Variants in DHRS11 observed in about 807,000 individuals in gnomAD.
The protein encoded by DHRS11 is dehydrogenase/reductase SDR family member 11.
Under a neutral mutation model 30.7 loss-of-function variants are expected in DHRS11, and 18 were observed. That is an observed-to-expected ratio of 0.59 (90% CI 0.41 to 0.87). The LOEUF (loss-of-function observed/expected upper bound fraction) is 0.87. Ranked by LOEUF, DHRS11 falls within the 40% of genes least tolerant of loss-of-function variation. DHRS11 has a pLI of 0.00. For synonymous variants in DHRS11, 123 were observed against 139.6 expected (o/e 0.88, Z 0.84); for missense variants, 300 against 349.0 (o/e 0.86, Z 1.12).
At chr17:36,596,965 T>G (rs922269282) in intron 2 of DHRS11, 2 of 450,020 alleles carry the variant, frequency 4.4e-6, no homozygotes, top group Admixed American at 2.6e-5. Flanking sequence ...CTCGCCCATC[T>G]GTAAAATGAG....
In DHRS11 at chr17:36,599,745, C is replaced by A; in HGVS notation, c.657C>A (p.Ala219=). Residue 219 remains alanine (A), a synonymous_variant, in exon 5 of 7, where the codon GCC becomes GCA. Transcript: ENST00000618403. ...ACAAGGACCCTGAGAAGGCAGCTGC[C>A]ACCTATGAGCAAATGAAGGTGGGGC... is the stretch of plus-strand genomic sequence containing the variant. The part of the protein sequence containing the change: ...LHDKDPEKAA[A]TYEQMKCLKP... 1.9e-6 allele frequency: 3 copies of A among 1,614,184 alleles called. No individual in the cohort carries two copies. The South Asian group carries it at 3.3e-5, about 18-fold the overall frequency.
chr17:36,597,451 A>C (rs1233989395), intron 2 of DHRS11: 2 of 155,982 alleles, frequency 1.3e-5, no homozygotes, highest in Non-Finnish European at 2.8e-5. Context: ...TACAGCAGAC[A>C]CGCCTTCAGA....
At position 36,593,330 on chromosome 17, in the gene DHRS11, T is replaced by G. The variant is rs569155835; in HGVS notation, c.147+1174T>G. Among the ~76,000 whole-genome samples the G allele has an allele frequency of 2.4e-4, 37 of 152,154 alleles. 2 individuals carry two copies. The South Asian group carries it at 7.7e-3, about 32-fold the overall frequency. ...CCCCTGTTGTGAGGGGGTGACATGA[T>G]GTTGTAGATCATTACTGAGGGGAGG... is the stretch of plus-strand genomic sequence containing the variant. On this transcript the variant is annotated intron_variant, in intron 1 of 6. Transcript: ENST00000618403.
Position 36,597,882 on chromosome 17 carries a change from G to A in DHRS11, c.358-281G>A. The stretch of plus-strand genomic sequence containing the variant: ...AGATGGCCAAGACAGAGTCTCCTGG[G>A]TCAGGAGTGGGTTTGAAGGGTTTCC... On this transcript the variant is annotated intron_variant, in intron 2 of 6. Transcript: ENST00000618403. 4 of 545,196 alleles carry A rather than the reference G, an allele frequency of 7.3e-6. No homozygotes were observed. In the South Asian group the frequency reaches 8.6e-5, roughly 12 times the overall value. The allele number at this position is 545,196 out of a possible 1,614,324, so 33.8% of individuals were successfully genotyped here. A position where few individuals can be genotyped will look rare whatever the true frequency, so the allele number is the denominator to read the frequency against.
At chr17:36,599,185 C>T in intron 4 of DHRS11, 135 bp downstream of exon 4, 1 of 1,327,956 alleles carries the variant, frequency 7.5e-7, no homozygotes, top group Non-Finnish European at 1.0e-6. Context: ...GAACTGGGTG[C>T]TGCTGCTCCA....
intron 2 of DHRS11, chr17:36,596,878 T>C: frequency 2.1e-6 from 1 of 470,896 alleles, no homozygotes; most frequent in Non-Finnish European, 4.4e-6. Flanking sequence ...GCCATGAAAA[T>C]GAAGCCCTCA....
chr17:36,599,118 C>T (rs2074835447), intron 4 of DHRS11, 68 bp downstream of exon 4: 2 of 1,553,334 alleles, frequency 1.3e-6, no homozygotes, highest in South Asian at 1.2e-5. Context: ...ACACACCGTT[C>T]AGGAAGCCCA....
rs1727926305 is a variant in DHRS11, at chr17:36,592,375, A to C, written c.147+219A>C. Among the ~76,000 whole-genome samples the C allele has an allele frequency of 1.3e-5, 2 of 151,690 alleles. No individual in the cohort carries two copies. The highest frequency in any genetic ancestry group is 4.8e-5 in the African/African-American group (2 of 41,348). On this transcript the variant is annotated intron_variant, in intron 1 of 6. Transcript: ENST00000618403. This position sits in a 1 kb window ranked among gnomAD's most constrained non-coding sequence, Gnocchi z 4.4. Reference sequence around the variant, plus strand: ...GAATCTCCGACCCCGGCATCTCCCCACCCGCCCCTCGGGTCTCCCCAGGGT... The same window carrying C: ...GAATCTCCGACCCCGGCATCTCCCCCCCCGCCCCTCGGGTCTCCCCAGGGT...
intron 4 of DHRS11, 40 bp from the exon 5 acceptor site, chr17:36,599,631 C>T (rs1567843357): frequency 6.2e-7 from 1 of 1,609,332 alleles, no homozygotes; most frequent in Non-Finnish European, 8.5e-7. Context: ...CAAGACCTGG[C>T]AAAGCTCAGC....
At chr17:36,593,240 G>A (rs1365067495) in intron 1 of DHRS11, among the ~76,000 whole-genome samples, 1 of 152,186 alleles carries the variant, frequency 6.6e-6, no homozygotes, top group Admixed American at 6.5e-5. Flanking sequence ...GGGGGCCTGA[G>A]CCCCAAGGGG....
chr17:36,591,929 G>A lies in DHRS11; in HGVS notation c.-81G>A. 1 of 1,210,530 alleles carries A rather than the reference G, an allele frequency of 8.3e-7. No homozygotes were observed. 75.0% of individuals were successfully genotyped at this position (1,210,530 alleles called of 1,614,324 possible). ...ATCGGACCCAAGCAGGTCGGCGGCGGCGGCAGGAGAGCGGCCGGGCGTCAG... is the reference window on the plus strand; with the variant it reads ...ATCGGACCCAAGCAGGTCGGCGGCGACGGCAGGAGAGCGGCCGGGCGTCAG... On this transcript the variant is annotated 5_prime_UTR_variant, in exon 1 of 7. Transcript: ENST00000618403.
chr17:36,598,765 A>C, intron 3 of DHRS11, 156 bp from the exon 4 acceptor site: 1 of 991,258 alleles, frequency 1.0e-6, no homozygotes, highest in South Asian at 1.8e-5. Context: ...AATAACCAAA[A>C]TTAGATTAGT....
intron 2 of DHRS11, 31 bp downstream of exon 2, chr17:36,595,211 G>T: frequency 6.2e-7 from 1 of 1,610,694 alleles, no homozygotes; most frequent in Non-Finnish European, 8.5e-7. Context: ...TCTTCCAGGT[G>T]GAGGGTGGGG....
chr17:36,599,496 T>A, intron 4 of DHRS11, 175 bp from the exon 5 acceptor site: 1 of 630,140 alleles, frequency 1.6e-6, no homozygotes, highest in East Asian at 2.7e-5. Context: ...GCTCTGTAGA[T>A]GGTAGGTATC....
chr17:36,599,098 C>T, intron 4 of DHRS11, 48 bp downstream of exon 4: 1 of 1,589,882 alleles, frequency 6.3e-7, no homozygotes, highest in Non-Finnish European at 8.5e-7. Context: ...CGCAGGCCCT[C>T]CCCACCCACA....
chr17:36,598,980 A>G lies in DHRS11; in HGVS notation c.512A>G (p.Tyr171Cys), dbSNP rs770574452. The change falls in exon 4 of 7, where the codon TAT becomes TGT. Residue 171 changes from tyrosine (Y) to cysteine (C), a missense_variant. Physicochemically the swap from Tyr to Cys is radical, Grantham distance 194. Transcript: ENST00000618403. The stretch of plus-strand genomic sequence containing the variant: ...ACCCACTTCTATAGTGCCACCAAGT[A>G]TGCCGTCACTGCGCTGACAGAGGGA... ...SVTHFYSATKYAVTALTEGLR... is the reference protein window; with the variant it reads ...SVTHFYSATKCAVTALTEGLR... The G allele has an allele frequency of 1.2e-6, 2 of 1,613,538 alleles. No homozygotes were observed. Among genetic ancestry groups the G allele is most frequent in the East Asian group, 4.5e-5 (2 of 44,878 alleles).
chr17:36,595,523 G>A (rs925526999), intron 2 of DHRS11, among the ~76,000 whole-genome samples: 1 of 137,380 alleles, frequency 7.3e-6, no homozygotes, highest in Admixed American at 8.5e-5. Context: ...AGGTTCAAAC[G>A]ATTCTCCTGC....
rs1474278760 is a variant in DHRS11, at chr17:36,597,770, CAGAGA to C, written c.358-383_358-379del. ...GAGGGAGCAGGGCCAGAGACTGTCA[CAGAGA>C]AGAGAAGAGTAGGGTATTTGGGGGA... On this transcript the variant is annotated intron_variant, in intron 2 of 6. Coordinates refer to ENST00000618403, the MANE Select transcript of DHRS11 (RefSeq NM_024308.4). 1.0e-5 allele frequency: 3 copies of C among 298,938 alleles called. No individual in the cohort carries two copies. The Admixed American group carries it at 1.6e-4, about 16-fold the overall frequency. The allele number at this position is 298,938 out of a possible 1,614,324, so 18.5% of individuals were successfully genotyped here. A position where few individuals can be genotyped will look rare whatever the true frequency, so the allele number is the denominator to read the frequency against.
Position 36,600,380 on chromosome 17 carries a change from G to A in DHRS11, c.*177G>A, listed in dbSNP as rs1400315083. On this transcript the variant is annotated 3_prime_UTR_variant, in exon 7 of 7. Coordinates refer to ENST00000618403, the MANE Select transcript of DHRS11 (RefSeq NM_024308.4). ...TTGTCAAATTGCTTCAGTTGTAAAT[G>A]TGAAAAATGGGCTGGGGAAAGGAGG... 4.2e-6 allele frequency: 3 copies of A among 719,214 alleles called. No homozygotes were observed. Among genetic ancestry groups the A allele is most frequent in the Non-Finnish European group, 6.9e-6 (3 of 436,248 alleles). The allele number at this position is 719,214 out of a possible 1,614,324, so 44.6% of individuals were successfully genotyped here.
Sources: allele counts gnomAD v4.1 joint callset (sites outside exome capture counted in the v4.1 genomes callset), GRCh38; gene constraint gnomAD v4.1.1; non-coding constraint Gnocchi (gnomAD v3.1); transcripts MANE v1.5; gene names NCBI Gene and HGNC (gene_info 2026-07-23, HGNC 2026-07-21).